HNMT: variants seen among roughly 807,000 people sequenced by gnomAD.
HNMT encodes histamine N-methyltransferase.
In HNMT, 30 loss-of-function variants were observed where a neutral mutation model predicts 32.1. The observed-to-expected ratio is 0.93, with a 90% CI of 0.70 to 1.27. The LOEUF (loss-of-function observed/expected upper bound fraction) is 1.27. Among genes scored for constraint, HNMT ranks in the 50% most tolerant of loss-of-function variants. The pLI is 0.00. For synonymous variants in HNMT, 125 were observed against 119.0 expected, an observed-to-expected ratio of 1.05 and a Z score of -0.33; for missense variants, 327 against 346.0, an observed-to-expected ratio of 0.95 and a Z score of 0.43.
At chr2:137,975,692 A>G (rs530090749) in intron 2 of HNMT, among the ~76,000 whole-genome samples, 58 of 152,324 alleles carry the variant, frequency 3.8e-4, no homozygotes, top group Non-Finnish European at 5.9e-4. Flanking sequence ...ATGTAATTCA[A>G]GTAGGAACTG....
At chr2:137,979,719 A>G (rs1366539240) in intron 2 of HNMT, among the ~76,000 whole-genome samples, 1 of 152,152 alleles carries the variant, frequency 6.6e-6, no homozygotes, top group East Asian at 1.9e-4. Context: ...ATTTATATAC[A>G]TAATAATCTC....
rs900237199 is a variant in HNMT at position 137,965,117 on chromosome 2, T to C, written c.137+489T>C. 3.9e-5 allele frequency among the ~76,000 whole-genome samples: 6 copies of C among 152,326 alleles called. No homozygotes were observed. In the South Asian group the frequency reaches 1.2e-3, roughly 32 times the overall value. On this transcript the variant is annotated intron_variant, in intron 1 of 5. Coordinates refer to ENST00000280097, the MANE Select transcript of HNMT (RefSeq NM_006895.3). Reference sequence around the variant, plus strand: ...TAATTTTCCTTATCCATTGTTATAGTTATCACTCTCTTCCTCAAAATTGTC... The same window carrying C: ...TAATTTTCCTTATCCATTGTTATAGCTATCACTCTCTTCCTCAAAATTGTC...
intron 5 of HNMT, among the ~76,000 whole-genome samples, chr2:138,009,537 A>G (rs1259437404): frequency 2.0e-5 from 3 of 152,056 alleles, no homozygotes; most frequent in Admixed American, 2.0e-4. Flanking sequence ...GTAGTTTCCT[A>G]TTTTAAAAAA....
chr2:137,991,727 T>C (rs1195270294), intron 2 of HNMT: 3 of 152,186 alleles, frequency 2.0e-5, no homozygotes, highest in African/African-American at 7.2e-5. Context: ...TAGATATTTA[T>C]ATAGCTAGAT....
chr2:137,967,036 A>C, intron 1 of HNMT: 1 of 779,054 alleles, frequency 1.3e-6, no homozygotes, highest in Non-Finnish European at 2.4e-6. Context: ...TGGATATAGA[A>C]CTCTATACTG....
At chr2:137,992,539 G>A (rs1680853971) in intron 2 of HNMT, among the ~76,000 whole-genome samples, 1 of 152,144 alleles carries the variant, frequency 6.6e-6, no homozygotes, top group South Asian at 2.1e-4. Context: ...CCAGCCAGAG[G>A]CTCAGGGACA....
chr2:137,987,200 G>T (rs988044874), intron 2 of HNMT, among the ~76,000 whole-genome samples: 1 of 151,994 alleles, frequency 6.6e-6, no homozygotes, highest in African/African-American at 2.4e-5. Flanking sequence ...GGCCTTAGGG[G>T]GTCAAAAATA....
At chr2:137,994,136 C>A (rs936504235) in intron 2 of HNMT, among the ~76,000 whole-genome samples, 6 of 152,094 alleles carry the variant, frequency 3.9e-5, no homozygotes, top group African/African-American at 1.4e-4. Context: ...AAACAAATAG[C>A]AGCATGATGG....
At chr2:137,994,475 T>C (rs553051157) in intron 2 of HNMT, among the ~76,000 whole-genome samples, 154 of 152,312 alleles carry the variant, frequency 1.0e-3, no homozygotes, top group Non-Finnish European at 2.0e-3. Flanking sequence ...AAGAGCTAAC[T>C]ATTCTAAATA....
intron 2 of HNMT, among the ~76,000 whole-genome samples, chr2:137,979,659 A>C (rs1309604094): frequency 6.6e-6 from 1 of 152,294 alleles, no homozygotes; most frequent in East Asian, 1.9e-4. Context: ...AACACATTAA[A>C]ATAAATTTTG....
At chr2:137,992,399 T>C in intron 2 of HNMT, among the ~76,000 whole-genome samples, 1 of 152,322 alleles carries the variant, frequency 6.6e-6, no homozygotes, top group East Asian at 1.9e-4. Flanking sequence ...GCTGGACGGC[T>C]TGGTCCCAAG....
Position 137,970,150 on chromosome 2 carries a change from A to AT in HNMT, c.138-8dup. On this transcript the variant is annotated splice_polypyrimidine_tract_variant and intron_variant, in intron 1 of 5. Transcript: ENST00000280097. ...TAACACATTTTTCTAAAACTACATA[A>AT]TTTTTTTCTTTCAGGATTGGAGACA... is the stretch of plus-strand genomic sequence containing the variant. 4.0e-6 allele frequency: 6 copies of AT among 1,501,760 alleles called. No homozygotes were observed. The highest frequency in any genetic ancestry group is 1.2e-5 in the South Asian group (1 of 84,784). 93.0% of individuals were successfully genotyped at this position (1,501,760 alleles called of 1,614,324 possible). A position where few individuals can be genotyped will look rare whatever the true frequency, so the allele number is the denominator to read the frequency against.
chr2:137,984,083 G>T (rs1282046693), intron 2 of HNMT, among the ~76,000 whole-genome samples: 1 of 152,164 alleles, frequency 6.6e-6, no homozygotes, highest in African/African-American at 2.4e-5. Flanking sequence ...AGAATACTGA[G>T]TGTTGTGCAT....
chr2:137,976,138 C>A (rs1353946131), intron 2 of HNMT, among the ~76,000 whole-genome samples: 1 of 151,990 alleles, frequency 6.6e-6, no homozygotes. Context: ...TGGTGGCACA[C>A]ACCTGCAATC....
chr2:137,996,767 A>C (rs1361956421), intron 2 of HNMT, among the ~76,000 whole-genome samples: 3 of 152,248 alleles, frequency 2.0e-5, no homozygotes, highest in African/African-American at 7.2e-5. Context: ...CCTGACTTCA[A>C]ACTATACTAA....
At chr2:137,985,637 A>G (rs1348641453) in intron 2 of HNMT, among the ~76,000 whole-genome samples, 1 of 152,192 alleles carries the variant, frequency 6.6e-6, no homozygotes, top group Non-Finnish European at 1.5e-5. Flanking sequence ...TTTTTTAAGC[A>G]ATAAAAATTT....
At chr2:137,985,202 TAAA>T (rs5834597) in intron 2 of HNMT, among the ~76,000 whole-genome samples, 8 of 135,450 alleles carry the variant, frequency 5.9e-5, no homozygotes, top group Admixed American at 1.5e-4. Context: ...GAACCGAAAC[TAAA>T]AAAAAAAAAA....
intron 2 of HNMT, chr2:137,981,504 C>T (rs994640218): frequency 1.6e-5 from 12 of 773,822 alleles, no homozygotes; most frequent in East Asian, 7.4e-5. Flanking sequence ...TGGTTTTCTC[C>T]GTGGGACTTC....
chr2:137,995,434 TG>T (rs1680962957), intron 2 of HNMT, among the ~76,000 whole-genome samples: 1 of 152,190 alleles, frequency 6.6e-6, no homozygotes, highest in Non-Finnish European at 1.5e-5. Context: ...GTTAAATTCC[TG>T]GGCACATACA....
Sources: gnomAD v4.1 joint callset for allele counts (sites outside exome capture counted in the v4.1 genomes callset) on GRCh38, gnomAD v4.1.1 for gene constraint, MANE v1.5 for transcripts, NCBI Gene and HGNC (gene_info 2026-07-23, HGNC 2026-07-21) for gene names.